The following COPG1 variants were observed in gnomAD, a reference collection of about 807,000 sequenced individuals.
COPG1 encodes coat protein complex I subunit gamma 1.
A neutral mutation model predicts 102.8 loss-of-function variants in COPG1; 29 were observed. The observed-to-expected ratio is 0.28, with a 90% CI of 0.21 to 0.38. COPG1 has a LOEUF of 0.38. Ranked by LOEUF, COPG1 falls within the 10% of genes least tolerant of loss-of-function variation. The pLI, the probability that COPG1 is intolerant of heterozygous loss-of-function variation, is 1.00. For missense variants in COPG1, 875 were observed against 1,132.7 expected (o/e 0.77, Z 3.27); for synonymous variants, 406 against 421.6 (o/e 0.96, Z 0.45).
intron 12 of COPG1, among the ~76,000 whole-genome samples, chr3:129,261,690 G>A (rs188770184): frequency 6.6e-6 from 1 of 152,252 alleles, no homozygotes; most frequent in East Asian, 1.9e-4. Flanking sequence ...ACACTGGCAT[G>A]ACCCATAGAG....
Position 129,268,941 on chromosome 3 carries a change from C to G in COPG1, c.1784C>G (p.Pro595Arg), listed in dbSNP as rs1464170057. Reference sequence around the variant, plus strand: ...TAATTTGCTCCTGCAGAAAGTACCCCCATCACAGCAGTCAAACAGCCTGAG... The same window carrying G: ...TAATTTGCTCCTGCAGAAAGTACCCGCATCACAGCAGTCAAACAGCCTGAG... ...PMAEQRTEST[P>R]ITAVKQPEKV... is the part of the protein sequence containing the mutation. The change falls in exon 18 of 24, where the codon CCC becomes CGC. Residue 595 changes from proline (P) to arginine (R), a missense_variant. Pro to Arg is a moderately radical substitution (Grantham distance 103). Transcript: ENST00000314797. The G allele has an allele frequency of 6.2e-7, 1 of 1,614,000 alleles. No homozygotes were observed. The highest frequency in any genetic ancestry group is 1.3e-5 in the African/African-American group (1 of 74,918).
intron 16 of COPG1, 30 bp from the exon 17 acceptor site, chr3:129,268,465 C>G: frequency 1.2e-6 from 2 of 1,610,528 alleles, no homozygotes; most frequent in African/African-American, 1.3e-5. Flanking sequence ...GCTCTATCTG[C>G]CAGGCATGGT....
chr3:129,250,065 A>G (rs923887394), intron 1 of COPG1, among the ~76,000 whole-genome samples: 3 of 151,606 alleles, frequency 2.0e-5, no homozygotes, highest in African/African-American at 7.3e-5. Flanking sequence ...ACCTCTTGGG[A>G]TTCGCTGGGG....
chr3:129,254,963 A>G, intron 6 of COPG1, 22 bp from the exon 7 acceptor site: 2 of 1,604,494 alleles, frequency 1.2e-6, no homozygotes, highest in Non-Finnish European at 1.7e-6. Flanking sequence ...ATCTCCTTCC[A>G]CCCTGCTCCT....
intron 13 of COPG1, among the ~76,000 whole-genome samples, chr3:129,264,970 C>T (rs1447258821): frequency 6.6e-6 from 1 of 151,736 alleles, no homozygotes; most frequent in Admixed American, 6.6e-5. Context: ...TACAGGTGCC[C>T]CCCACCACGC....
intron 10 of COPG1, among the ~76,000 whole-genome samples, chr3:129,258,448 C>T (rs7640553): frequency 0.23 from 34,308 of 152,116 alleles, 6,519 homozygotes; most frequent in African/African-American, 0.52. Flanking sequence ...TGTTGTTTGC[C>T]GTTTGCTGTT....
chr3:129,257,805 G>C lies in COPG1; in HGVS notation c.816G>C (p.Ser272=), dbSNP rs769213450. ...KHEMVVYEAA[S]AIVNLPGCSA... ...AGATGGTGGTGTATGAAGCCGCCTC[G>C]GCCATCGTCAATCTGCCAGGCTGCA... Residue 272 remains serine (S), a synonymous_variant, in exon 10 of 24, where the codon TCG becomes TCC. Transcript: ENST00000314797. 3 of 1,614,086 alleles carry C rather than the reference G, an allele frequency of 1.9e-6. No individual in the cohort carries two copies. Among genetic ancestry groups the C allele is most frequent in the African/African-American group, 1.3e-5 (1 of 75,054 alleles).
At chr3:129,259,321 C>T (rs980379636) in intron 10 of COPG1, among the ~76,000 whole-genome samples, 5 of 151,832 alleles carry the variant, frequency 3.3e-5, no homozygotes, top group Non-Finnish European at 7.4e-5. Context: ...ATTAGCCGGG[C>T]GTGGTGGTGC....
chr3:129,257,383 G>T, intron 8 of COPG1, 87 bp from the exon 9 acceptor site: 1 of 1,420,740 alleles, frequency 7.0e-7, no homozygotes, highest in South Asian at 1.2e-5. Flanking sequence ...TTAGAAATGA[G>T]AAGGCTGAAG....
At position 129,255,135 on chromosome 3, in the gene COPG1, A is replaced by C. The variant is rs4927912; in HGVS notation, c.492+58A>C. 149,984 of 1,126,252 alleles carry C rather than the reference A, an allele frequency of 0.13. 15,948 individuals carry two copies. The highest frequency in any genetic ancestry group is 0.53 in the African/African-American group (33,882 of 64,148). The allele number at this position is 1,126,252 out of a possible 1,614,324, so 69.8% of individuals were successfully genotyped here. A position where few individuals can be genotyped will look rare whatever the true frequency, so the allele number is the denominator to read the frequency against. On this transcript the variant is annotated intron_variant, in intron 7 of 23. Transcript: ENST00000314797. ...TGGGGTAGAAAATTGAAGAAAATTT[A>C]AGAGTCACATTCCAGTAGGAAAAAA... is the stretch of plus-strand genomic sequence containing the variant.
intron 7 of COPG1, 90 bp from the exon 8 acceptor site, chr3:129,255,978 A>C: frequency 9.1e-7 from 1 of 1,101,486 alleles, no homozygotes; most frequent in Non-Finnish European, 1.4e-6. Context: ...CGAGCCCCTG[A>C]GCTGTGTCTG....
At chr3:129,264,075 G>A in intron 13 of COPG1, 76 bp downstream of exon 13, 1 of 1,226,318 alleles carries the variant, frequency 8.2e-7, no homozygotes, top group Non-Finnish European at 1.2e-6. Context: ...TCCATGCTCA[G>A]CTTTGTGCGT....
intron 2 of COPG1, among the ~76,000 whole-genome samples, chr3:129,251,539 T>C (rs924430912): frequency 1.3e-5 from 2 of 151,808 alleles, no homozygotes; most frequent in African/African-American, 4.8e-5. Flanking sequence ...CACGCCACTA[T>C]GCCTGGCTGA....
chr3:129,272,002 G>A, intron 19 of COPG1, 93 bp downstream of exon 19: 1 of 1,413,098 alleles, frequency 7.1e-7, no homozygotes, highest in Non-Finnish European at 9.6e-7. Context: ...TCCCCACACT[G>A]CATTGGTTGG....
chr3:129,250,895 G>A (rs1939679993), intron 2 of COPG1, 161 bp downstream of exon 2: 1 of 356,188 alleles, frequency 2.8e-6, no homozygotes, highest in Admixed American at 3.7e-5. Context: ...TCTGGAGAGA[G>A]TTAGTTATGC....
In COPG1 at chr3:129,272,408, C is replaced by T; in HGVS notation, c.2151C>T (p.Pro717=). ...TGGTGGCACTGCCCAAAGAAGACCCCACAGCTGGTGAGCCCCTCTCCAGAT... is the reference window on the plus strand; with the variant it reads ...TGGTGGCACTGCCCAAAGAAGACCCTACAGCTGGTGAGCCCCTCTCCAGAT... ...YTLVALPKED[P]TAVACTFSCM... Residue 717 remains proline (P), a synonymous_variant, in exon 20 of 24, where the codon CCC becomes CCT. Coordinates refer to ENST00000314797, the MANE Select transcript of COPG1 (RefSeq NM_016128.4). The T allele has an allele frequency of 6.2e-7, 1 of 1,613,130 alleles. No individual in the cohort carries two copies. Among genetic ancestry groups the T allele is most frequent in the Non-Finnish European group, 8.5e-7 (1 of 1,179,548 alleles).
chr3:129,273,983 A>T, intron 21 of COPG1: 1 of 455,292 alleles, frequency 2.2e-6, no homozygotes, highest in South Asian at 1.6e-5. Flanking sequence ...CAGCCTGTGG[A>T]TGGGGACTGT....
chr3:129,267,014 C>G lies in COPG1; in HGVS notation c.1469-10C>G. 6.2e-7 allele frequency: 1 copy of G among 1,613,044 alleles called. No individual in the cohort carries two copies. Among genetic ancestry groups the G allele is most frequent in the South Asian group, 1.1e-5 (1 of 91,030 alleles). The stretch of plus-strand genomic sequence containing the variant: ...GCATTGGGTAAATCACATTCGCTTC[C>G]TAAACACAGGTGCTGTGAGTGCTCT... On this transcript the variant is annotated splice_polypyrimidine_tract_variant and intron_variant, in intron 14 of 23. Coordinates refer to ENST00000314797, the MANE Select transcript of COPG1 (RefSeq NM_016128.4).
chr3:129,249,837 C>T (rs1223858576), intron 1 of COPG1, 91 bp downstream of exon 1: 3 of 1,370,064 alleles, frequency 2.2e-6, no homozygotes, highest in East Asian at 5.1e-5. Context: ...GAGGCTGAGG[C>T]CCAGTGAGGG....
Sources: gnomAD v4.1 joint callset for allele counts (sites outside exome capture counted in the v4.1 genomes callset) on GRCh38, gnomAD v4.1.1 for gene constraint, MANE v1.5 for transcripts, NCBI Gene and HGNC (gene_info 2026-07-23, HGNC 2026-07-21) for gene names.